SLC22A25: variants seen among roughly 807,000 people sequenced by gnomAD.
The protein encoded by SLC22A25 is MGI:2442751, MGI:2385316, MGI:3042283, MGI:3645714, MGI:3605624, MGI:2442750.
Under a neutral mutation model 45.9 loss-of-function variants are expected in SLC22A25, and 44 were observed. That is an observed-to-expected ratio of 0.96 (90% CI 0.75 to 1.23). SLC22A25 has a LOEUF of 1.23. Among genes scored for constraint, SLC22A25 ranks in the 50% most tolerant of loss-of-function variants. The probability of loss-of-function intolerance (pLI) is 0.00; values close to 1 mark genes in which losing one functional copy is unlikely to be tolerated. For missense variants in SLC22A25, 800 were observed against 666.4 expected, an observed-to-expected ratio of 1.20 and a Z score of -2.21; for synonymous variants, 283 against 238.6, an observed-to-expected ratio of 1.19 and a Z score of -1.72.
In SLC22A25 at chr11:63,168,388, T is replaced by A. The variant is rs141733013; in HGVS notation, c.1071-2130A>T. Among the ~76,000 whole-genome samples, 515 of 152,270 alleles carry A rather than the reference T, an allele frequency of 3.4e-3. 2 individuals are homozygous for A. Among genetic ancestry groups the A allele is most frequent in the African/African-American group, 0.012 (493 of 41,558 alleles). ...ACTCCCCTGAGCTAAAGAAGCATGT[T>A]CTAACCCAATGCAAGGAAGTTAAGA... On this transcript the variant is annotated intron_variant, in intron 9 of 11. Transcript: ENST00000306494.
At chr11:63,179,356 T>G (rs2088236108) in intron 9 of SLC22A25, among the ~76,000 whole-genome samples, 1 of 152,172 alleles carries the variant, frequency 6.6e-6, no homozygotes, top group African/African-American at 2.4e-5. Flanking sequence ...AGCTTTGCAT[T>G]GGTATCTATA....
Position 63,159,358 on chromosome 11 carries a change from G to T in SLC22A25, c.*4466C>A, listed in dbSNP as rs1053491832. On this transcript the variant is annotated 3_prime_UTR_variant, in exon 12 of 12. Coordinates refer to ENST00000306494, the MANE Select transcript of SLC22A25 (RefSeq NM_199352.6). ...TCCCACCTGTCATGGGAGGGAGCCT[G>T]TGGGAGGTAATTGAATCATGGGGCC... Among the ~76,000 whole-genome samples, 4 of 152,170 alleles carry T rather than the reference G, an allele frequency of 2.6e-5. No individual in the cohort carries two copies. The highest frequency in any genetic ancestry group is 9.7e-5 in the African/African-American group (4 of 41,444).
intron 9 of SLC22A25, among the ~76,000 whole-genome samples, chr11:63,174,065 T>C (rs917777248): frequency 6.6e-6 from 1 of 151,840 alleles, no homozygotes; most frequent in Admixed American, 6.6e-5. Context: ...CACCACCCCC[T>C]GACAGGCCCT....
rs1393336790 is a variant in SLC22A25 at position 63,180,770 on chromosome 11, CAA to C, written c.958_959del (p.Leu320GlufsTer19). ...CCAGTTCTTGCTTCATGGTGGATTTCAAAACCTTCAACAACAACAGAAGCAAT... is the reference window on the plus strand; with the variant it reads ...CCAGTTCTTGCTTCATGGTGGATTTCAACCTTCAACAACAACAGAAGCAAT... ...NAEDILTMEV[L>X]KSTMKQELEA... On this transcript the variant is annotated frameshift_variant, in exon 9 of 12. Coordinates refer to ENST00000306494, the MANE Select transcript of SLC22A25 (RefSeq NM_199352.6). LOFTEE classifies it high-confidence loss of function. 6.2e-7 allele frequency: 1 copy of C among 1,611,226 alleles called. No homozygotes were observed. Among genetic ancestry groups the C allele is most frequent in the South Asian group, 1.1e-5 (1 of 90,734 alleles).
At chr11:63,211,819 G>A (rs1300794) in intron 7 of SLC22A25, among the ~76,000 whole-genome samples, 68,538 of 150,270 alleles carry the variant, frequency 0.46, 16,962 homozygotes, top group Non-Finnish European at 0.56. Context: ...TGACAAATGG[G>A]ATCTAATTAA....
chr11:63,215,224 C>T (rs1590883008), intron 7 of SLC22A25, among the ~76,000 whole-genome samples: 2 of 152,136 alleles, frequency 1.3e-5, no homozygotes, highest in Admixed American at 6.5e-5. Context: ...AAATGTGGCA[C>T]ATATACACCA....
chr11:63,209,436 C>A (rs2089498246), intron 7 of SLC22A25, among the ~76,000 whole-genome samples: 1 of 152,098 alleles, frequency 6.6e-6, no homozygotes, highest in African/African-American at 2.4e-5. Context: ...CAGAATAAGG[C>A]AGGAGGCAGA....
Position 63,238,734 on chromosome 11 carries a change from G to T in SLC22A25, c.-594C>A. The T allele has an allele frequency of 4.8e-6, 1 of 206,600 alleles. No homozygotes were observed. Among genetic ancestry groups the T allele is most frequent in the East Asian group, 1.2e-4 (1 of 8,530 alleles). The allele number at this position is 206,600 out of a possible 1,614,324, so 12.8% of individuals were successfully genotyped here. A position where few individuals can be genotyped will look rare whatever the true frequency, so the allele number is the denominator to read the frequency against. On this transcript the variant is annotated 5_prime_UTR_variant, in exon 2 of 12. Transcript: ENST00000306494. The stretch of plus-strand genomic sequence containing the variant: ...CCTCTTACCCAGTCACGATGGTGGA[G>T]AGGAAGGAGCTTCTGTTGTACACCC...
intron 7 of SLC22A25, among the ~76,000 whole-genome samples, chr11:63,192,518 GC>G (rs1022741066): frequency 6.6e-6 from 1 of 152,052 alleles, no homozygotes; most frequent in African/African-American, 2.4e-5. Flanking sequence ...TAAGCTAAAT[GC>G]CCCAGTTAAA....
At chr11:63,211,102 C>T (rs60090619) in intron 7 of SLC22A25, among the ~76,000 whole-genome samples, 51,732 of 151,844 alleles carry the variant, frequency 0.34, 9,223 homozygotes, top group East Asian at 0.56. Flanking sequence ...CAAGGTACCA[C>T]GTGTATAGGC....
chr11:63,239,043 T>C lies in SLC22A25; in HGVS notation c.-903A>G, dbSNP rs1452688291. 2 of 172,712 alleles carry C rather than the reference T, an allele frequency of 1.2e-5. No individual in the cohort carries two copies. The highest frequency in any genetic ancestry group is 2.7e-4 in the East Asian group (2 of 7,444). 10.7% of individuals were successfully genotyped at this position (172,712 alleles called of 1,614,324 possible). On this transcript the variant is annotated 5_prime_UTR_variant, in exon 2 of 12. Transcript: ENST00000306494. ...GGGCAAACTATAAAGGTGGAGATGA[T>C]AAGAAAAACCATCTGAAGGATCTGA...
At chr11:63,198,143 A>G (rs558148927) in intron 7 of SLC22A25, among the ~76,000 whole-genome samples, 68 of 152,346 alleles carry the variant, frequency 4.5e-4, no homozygotes, top group Admixed American at 1.6e-3. Context: ...AAACTAGTTC[A>G]ACCATTGTGG....
At chr11:63,210,223 G>A (rs1372534943) in intron 7 of SLC22A25, among the ~76,000 whole-genome samples, 1 of 152,086 alleles carries the variant, frequency 6.6e-6, no homozygotes, top group Non-Finnish European at 1.5e-5. Flanking sequence ...GGCTTTGCAG[G>A]GAAACACATT....
intron 7 of SLC22A25, 104 bp from the exon 8 acceptor site, chr11:63,183,921 C>G: frequency 6.7e-7 from 1 of 1,492,368 alleles, no homozygotes; most frequent in South Asian, 1.3e-5. Flanking sequence ...ATACCCACCT[C>G]TTGTTTGGTT....
Position 63,163,708 on chromosome 11 carries a change from G to T in SLC22A25, c.*116C>A. 7.2e-7 allele frequency: 1 copy of T among 1,380,116 alleles called. No homozygotes were observed. The highest frequency in any genetic ancestry group is 9.8e-7 in the Non-Finnish European group (1 of 1,022,402). The allele number at this position is 1,380,116 out of a possible 1,614,324, so 85.5% of individuals were successfully genotyped here. A position where few individuals can be genotyped will look rare whatever the true frequency, so the allele number is the denominator to read the frequency against. On this transcript the variant is annotated 3_prime_UTR_variant, in exon 12 of 12. Transcript: ENST00000306494. ...CTCAGGGGATGTATGAGGTCACTGT[G>T]GAAGGGATGAGGATACACCAAAGGC... is the stretch of plus-strand genomic sequence containing the variant.
At chr11:63,234,984 G>A (rs1590921383) in intron 3 of SLC22A25, among the ~76,000 whole-genome samples, 1 of 152,184 alleles carries the variant, frequency 6.6e-6, no homozygotes, top group South Asian at 2.1e-4. Context: ...CTTCTGGCTT[G>A]TAGAGTTTCT....
intron 9 of SLC22A25, among the ~76,000 whole-genome samples, chr11:63,172,653 CTTTTTT>C (rs141999401): frequency 2.8e-5 from 4 of 140,572 alleles, no homozygotes; most frequent in African/African-American, 7.9e-5. Context: ...CACAGGATAC[CTTTTTT>C]TTTTTTTTTT....
chr11:63,218,073 G>A (rs993989650), intron 5 of SLC22A25: 5 of 494,714 alleles, frequency 1.0e-5, no homozygotes, highest in Admixed American at 2.3e-5. Flanking sequence ...AAAGATACAC[G>A]CACTCACATG....
At chr11:63,176,066 C>A (rs10792403) in intron 9 of SLC22A25, among the ~76,000 whole-genome samples, 2 of 151,718 alleles carry the variant, frequency 1.3e-5, no homozygotes, top group African/African-American at 4.8e-5. Flanking sequence ...CCATTCTGTT[C>A]CATTGGTCTA....
Sources: allele counts gnomAD v4.1 joint callset (sites outside exome capture counted in the v4.1 genomes callset), GRCh38; gene constraint gnomAD v4.1.1; transcripts MANE v1.5; gene names NCBI Gene and HGNC (gene_info 2026-07-23, HGNC 2026-07-21).